Variants in BMPER observed in about 807,000 individuals in gnomAD.
The protein encoded by BMPER is BMP-binding endothelial regulator protein.
In BMPER, 45 loss-of-function variants were observed where a neutral mutation model predicts 87.3. That is an observed-to-expected ratio of 0.52 (90% CI 0.41 to 0.66). The LOEUF (loss-of-function observed/expected upper bound fraction) is 0.66. Ranked by LOEUF, BMPER falls within the 30% of genes least tolerant of loss-of-function variation. BMPER has a pLI of 0.00. For synonymous variants in BMPER, 326 were observed against 316.2 expected (o/e 1.03, Z -0.33); for missense variants, 784 against 867.5 (o/e 0.90, Z 1.21).
chr7:34,096,711 A>T (rs2127981227), intron 13 of BMPER, among the ~76,000 whole-genome samples: 1 of 152,300 alleles, frequency 6.6e-6, no homozygotes, highest in Non-Finnish European at 1.5e-5. Context: ...TTAAAAAAAA[A>T]GACTTGGGGG....
At chr7:34,048,468 AGT>A (rs1465887396) in intron 7 of BMPER, among the ~76,000 whole-genome samples, 1 of 152,180 alleles carries the variant, frequency 6.6e-6, no homozygotes, top group East Asian at 1.9e-4. Context: ...TTGGGTTGCC[AGT>A]GTGTGTCAGT....
In BMPER at chr7:34,154,776, G is replaced by A. The variant is rs933758448; in HGVS notation, c.*1503G>A. The stretch of plus-strand genomic sequence containing the variant: ...TTTTTTGACTGGAAAATCCCTAGTT[G>A]TTTGAATTAACTGAATAAAGTGCAG... On this transcript the variant is annotated 3_prime_UTR_variant, in exon 15 of 15. Transcript: ENST00000649409. The A allele has an allele frequency of 2.1e-5, 3 of 142,150 alleles. No homozygotes were observed. The South Asian group carries it at 6.6e-4, about 31-fold the overall frequency. The allele number at this position is 142,150 out of a possible 1,614,324, so 8.8% of individuals were successfully genotyped here. A position where few individuals can be genotyped will look rare whatever the true frequency, so the allele number is the denominator to read the frequency against.
Position 33,947,730 on chromosome 7 carries a change from G to C in BMPER, c.319+10342G>C, listed in dbSNP as rs1585667321. Among the ~76,000 whole-genome samples the C allele has an allele frequency of 2.0e-5, 3 of 152,206 alleles. No individual in the cohort carries two copies. The South Asian group carries it at 6.2e-4, about 32-fold the overall frequency. On this transcript the variant is annotated intron_variant, in intron 3 of 14. Transcript: ENST00000649409. ...AGACCAATTACTGACCAATGTAAAG[G>C]GGGACTATGAATAATGGTAATAGAT...
intron 13 of BMPER, among the ~76,000 whole-genome samples, chr7:34,112,977 A>T (rs1166761633): frequency 6.6e-6 from 1 of 151,906 alleles, no homozygotes; most frequent in African/African-American, 2.4e-5. Context: ...TTTTAGAAGT[A>T]GAGTTTCTAG....
In BMPER at chr7:34,042,394, C is replaced by T. The variant is rs183678278; in HGVS notation, c.577-3912C>T. Among the ~76,000 whole-genome samples the T allele has an allele frequency of 2.0e-3, 307 of 152,240 alleles. 1 individual carries two copies. The highest frequency in any genetic ancestry group is 6.8e-3 in the African/African-American group (283 of 41,560). On this transcript the variant is annotated intron_variant, in intron 6 of 14. Coordinates refer to ENST00000649409, the MANE Select transcript of BMPER (RefSeq NM_001365308.1). ...ACCAGATAAGAATACAGTCATTTGT[C>T]CTTATGTATTTTAACCACTTAGGAA...
At chr7:33,924,363 G>A (rs183175820) in intron 2 of BMPER, among the ~76,000 whole-genome samples, 4 of 152,202 alleles carry the variant, frequency 2.6e-5, no homozygotes, top group African/African-American at 4.8e-5. Flanking sequence ...AAATCTTCCC[G>A]TGGCTTCTCC....
intron 6 of BMPER, among the ~76,000 whole-genome samples, chr7:33,982,939 G>T (rs987465132): frequency 6.6e-6 from 1 of 152,174 alleles, no homozygotes; most frequent in Non-Finnish European, 1.5e-5. Flanking sequence ...CATTCAGTGT[G>T]AGGGCTTGAT....
intron 13 of BMPER, among the ~76,000 whole-genome samples, chr7:34,109,796 A>G (rs921615264): frequency 1.3e-5 from 2 of 152,202 alleles, no homozygotes; most frequent in Non-Finnish European, 2.9e-5. Flanking sequence ...TATTCTAAGT[A>G]TGTCAGCACT....
At position 34,153,464 on chromosome 7, in the gene BMPER, T is replaced by C. The variant is rs1193131593; in HGVS notation, c.*191T>C. 4.8e-6 allele frequency: 3 copies of C among 622,938 alleles called. No individual in the cohort carries two copies. The highest frequency in any genetic ancestry group is 2.1e-5 in the South Asian group (1 of 47,512). The allele number at this position is 622,938 out of a possible 1,614,324, so 38.6% of individuals were successfully genotyped here. On this transcript the variant is annotated 3_prime_UTR_variant, in exon 15 of 15. Transcript: ENST00000649409. ...TATGAACTATAGGGGGATTATTATATGTATATTTTTTGCTATAAGACATGT... is the reference window on the plus strand; with the variant it reads ...TATGAACTATAGGGGGATTATTATACGTATATTTTTTGCTATAAGACATGT...
chr7:34,091,055 G>A (rs377732102), intron 13 of BMPER, among the ~76,000 whole-genome samples: 5 of 152,246 alleles, frequency 3.3e-5, no homozygotes, highest in East Asian at 1.9e-4. Context: ...GTGGGAGGTC[G>A]TGCGGGAGAA....
intron 6 of BMPER, among the ~76,000 whole-genome samples, chr7:33,994,894 A>G (rs1373287922): frequency 1.3e-5 from 2 of 152,124 alleles, no homozygotes; most frequent in East Asian, 1.9e-4. Context: ...CAGTTCTACA[A>G]TTCTATAATA....
chr7:33,913,960 AT>A (rs59183615), intron 2 of BMPER, among the ~76,000 whole-genome samples: 33,481 of 134,128 alleles, frequency 0.25, 3,529 homozygotes, highest in Middle Eastern at 0.33. Flanking sequence ...TTTTAGCACA[AT>A]TTTTTTTTTT....
intron 6 of BMPER, among the ~76,000 whole-genome samples, chr7:33,981,094 T>A (rs1226249167): frequency 2.0e-5 from 3 of 152,188 alleles, no homozygotes; most frequent in Non-Finnish European, 4.4e-5. Flanking sequence ...TTGTCCTCTC[T>A]GCTCTGGCCA....
At chr7:33,905,801 GAA>G in intron 1 of BMPER, 55 bp downstream of exon 1, 5 of 974,956 alleles carry the variant, frequency 5.1e-6, no homozygotes, top group East Asian at 4.8e-5. Context: ...TGGTACCTGG[GAA>G]AGGTGGCGCT....
At chr7:34,098,253 T>C (rs1189695168) in intron 13 of BMPER, among the ~76,000 whole-genome samples, 1 of 152,126 alleles carries the variant, frequency 6.6e-6, no homozygotes, top group Admixed American at 6.5e-5. Flanking sequence ...GCAGCTTTGT[T>C]GCTGGACAGA....
At chr7:34,019,096 G>A (rs928377518) in intron 6 of BMPER, among the ~76,000 whole-genome samples, 1 of 152,014 alleles carries the variant, frequency 6.6e-6, no homozygotes, top group Admixed American at 6.6e-5. Flanking sequence ...CTCCCTGGAA[G>A]ATGATGATCT....
rs774493430 is a variant in BMPER at position 34,046,306 on chromosome 7, G to A, written c.577G>A (p.Gly193Arg). 5.0e-6 allele frequency: 8 copies of A among 1,613,180 alleles called. No individual in the cohort carries two copies. The highest frequency in any genetic ancestry group is 5.9e-6 in the Non-Finnish European group (7 of 1,179,388). ...GSKCTKCSCT[G>R]GRTQCVREVC... is the part of the protein sequence containing the mutation. ...GCTTTTTTTTTCTCTCTTTTCTTAG[G>A]GAGGCAGGACACAATGTGTGAGAGA... The change falls in exon 7 of 15, where the codon GGA (glycine) becomes AGA (arginine). Residue 193 changes from glycine (G) to arginine (R), a missense_variant and splice_region_variant. Physicochemically the swap from Gly to Arg is moderately radical, Grantham distance 125. Transcript: ENST00000649409.
chr7:34,074,178 C>T (rs1406718820), intron 11 of BMPER, among the ~76,000 whole-genome samples: 1 of 152,220 alleles, frequency 6.6e-6, no homozygotes, highest in Admixed American at 6.5e-5. Context: ...TTTTTATATA[C>T]AGATTGGTTA....
intron 5 of BMPER, among the ~76,000 whole-genome samples, chr7:33,973,517 A>G (rs533269876): frequency 6.6e-6 from 1 of 152,354 alleles, no homozygotes; most frequent in African/African-American, 2.4e-5. Flanking sequence ...CCATTTAACA[A>G]AGGGCTCTGT....
Sources: gnomAD v4.1 joint callset for allele counts (sites outside exome capture counted in the v4.1 genomes callset) on GRCh38, gnomAD v4.1.1 for gene constraint, MANE v1.5 for transcripts, NCBI Gene and HGNC (gene_info 2026-07-23, HGNC 2026-07-21) for gene names.